The following KBTBD6 variants were observed in gnomAD, a reference collection of about 807,000 sequenced individuals.
KBTBD6 encodes the protein kelch repeat and BTB domain containing 6.
Under a neutral mutation model 34.4 loss-of-function variants are expected in KBTBD6, and 6 were observed. The observed-to-expected ratio is 0.17, with a 90% CI of 0.10 to 0.34. The LOEUF (loss-of-function observed/expected upper bound fraction) is 0.34. Ranked by LOEUF, KBTBD6 falls within the 10% of genes least tolerant of loss-of-function variation. The pLI is 1.00. For missense variants in KBTBD6, 557 were observed against 856.0 expected (o/e 0.65, Z 4.36); for synonymous variants, 288 against 327.2 (o/e 0.88, Z 1.29).
chr13:41,129,258 CAT>C lies in KBTBD6; in HGVS notation c.*1227_*1228del, dbSNP rs571557303. The C allele has an allele frequency of 1.0e-3, 155 of 152,536 alleles. No individual in the cohort carries two copies. Among genetic ancestry groups the C allele is most frequent in the African/African-American group, 3.4e-3 (143 of 41,506 alleles). 9.4% of individuals were successfully genotyped at this position (152,536 alleles called of 1,614,324 possible). ...GAACACCAAAACTGTACAGCTAAAACATATTGAGAATCATGTAAATGTTTAAG... is the reference window on the plus strand; with the variant it reads ...GAACACCAAAACTGTACAGCTAAAACATTGAGAATCATGTAAATGTTTAAG... On this transcript the variant is annotated 3_prime_UTR_variant, in exon 1 of 1. Transcript: ENST00000379485.
rs1248000752 is a variant in KBTBD6, at chr13:41,132,799, T to C, written c.-288A>G. The stretch of plus-strand genomic sequence containing the variant: ...GCCGCTACTGCAGCGTGGGCGACAA[T>C]GCTAGGCGCCCAGGAGAACTACCGC... On this transcript the variant is annotated 5_prime_UTR_variant, in exon 1 of 1. Transcript: ENST00000379485. 9 of 450,990 alleles carry C rather than the reference T, an allele frequency of 2.0e-5. No individual in the cohort carries two copies. Among genetic ancestry groups the C allele is most frequent in the Non-Finnish European group, 2.0e-5 (5 of 246,310 alleles). The allele number at this position is 450,990 out of a possible 1,614,324, so 27.9% of individuals were successfully genotyped here. A position where few individuals can be genotyped will look rare whatever the true frequency, so the allele number is the denominator to read the frequency against.
At position 41,132,252 on chromosome 13, in the gene KBTBD6, T is replaced by C. The variant is rs140770277; in HGVS notation, c.260A>G (p.Asn87Ser). Residue 87 changes from asparagine (N) to serine (S), a missense_variant, in exon 1 of 1, where the codon AAT becomes AGT. Coordinates refer to ENST00000379485, the MANE Select transcript of KBTBD6 (RefSeq NM_152903.5). ...GTAGGGACATGCCGCGGCCAGCACA[T>C]TGCGGTTGCAGGGGAACAGGCGACC... ...GTGRLFPCNR[N>S]VLAAACPYFK... 4.3e-6 allele frequency: 7 copies of C among 1,614,202 alleles called. No homozygotes were observed. The highest frequency in any genetic ancestry group is 4.5e-5 in the East Asian group (2 of 44,880).
At position 41,130,913 on chromosome 13, in the gene KBTBD6, G is replaced by A. The variant is rs1330735148; in HGVS notation, c.1599C>T (p.Val533=). 1.2e-6 allele frequency: 2 copies of A among 1,614,124 alleles called. No homozygotes were observed. The highest frequency in any genetic ancestry group is 1.1e-5 in the South Asian group (1 of 91,074). ...EEIYCICDIP[V]MKVYNPVRAE... Reference sequence around the variant, plus strand: ...CCCTAACTGGGTTGTAGACCTTCATGACTGGGATATCACAGATACAATAGA... The same window carrying A: ...CCCTAACTGGGTTGTAGACCTTCATAACTGGGATATCACAGATACAATAGA... Residue 533 remains valine (V), a synonymous_variant, in exon 1 of 1, where the codon GTC becomes GTT. Transcript: ENST00000379485. The surrounding 1 kb of genome is among the most constrained non-coding windows in gnomAD (Gnocchi z 4.8).
At position 41,131,957 on chromosome 13, in the gene KBTBD6, A is replaced by G. The variant is rs1318025028; in HGVS notation, c.555T>C (p.His185=). The stretch of plus-strand genomic sequence containing the variant: ...ACTGGGCCTGGGATCGCAGCTTGCG[A>G]TGGCCAAAGGCATCTGCAAACTTGA... ...AILKFADAFG[H]RKLRSQAQSY... is the part of the protein sequence containing the mutation. The change falls in exon 1 of 1, where the codon CAT becomes CAC. Residue 185 remains histidine, a synonymous_variant. Transcript: ENST00000379485. This position sits in a 1 kb window ranked among gnomAD's most constrained non-coding sequence, Gnocchi z 5.8. The G allele has an allele frequency of 6.2e-7, 1 of 1,614,258 alleles. No individual in the cohort carries two copies. The highest frequency in any genetic ancestry group is 8.5e-7 in the Non-Finnish European group (1 of 1,180,054).
At position 41,130,446 on chromosome 13, in the gene KBTBD6, T is replaced by G. The variant is rs1452524934; in HGVS notation, c.*41A>C. ...CCAAAACAGTAAAAACAACTTAGTG[T>G]TTCAATCTAGTTACAACAAACCCTG... is the stretch of plus-strand genomic sequence containing the variant. On this transcript the variant is annotated 3_prime_UTR_variant, in exon 1 of 1. Coordinates refer to ENST00000379485, the MANE Select transcript of KBTBD6 (RefSeq NM_152903.5). This position sits in a 1 kb window ranked among gnomAD's most constrained non-coding sequence, Gnocchi z 4.8. 2 of 1,411,282 alleles carry G rather than the reference T, an allele frequency of 1.4e-6. No homozygotes were observed. The highest frequency in any genetic ancestry group is 1.9e-6 in the Non-Finnish European group (2 of 1,028,196). The allele number at this position is 1,411,282 out of a possible 1,614,324, so 87.4% of individuals were successfully genotyped here.
chr13:41,132,146 G>A lies in KBTBD6; in HGVS notation c.366C>T (p.Phe122=), dbSNP rs2030113133. ...TGTAGCAGTAGTCGACCAACACCTCGAAGGACTCGGCGTCCACATCGTGCA... is the reference window on the plus strand; with the variant it reads ...TGTAGCAGTAGTCGACCAACACCTCAAAGGACTCGGCGTCCACATCGTGCA... The part of the protein sequence containing the change: ...VTMHDVDAES[F]EVLVDYCYTG... The change falls in exon 1 of 1, where the codon TTC becomes TTT. Residue 122 remains phenylalanine, a synonymous_variant. Transcript: ENST00000379485. The A allele has an allele frequency of 6.2e-7, 1 of 1,614,232 alleles. No homozygotes were observed. Among genetic ancestry groups the A allele is most frequent in the Non-Finnish European group, 8.5e-7 (1 of 1,180,038 alleles).
In KBTBD6 at chr13:41,129,325, C is replaced by T. The variant is rs2030046108; in HGVS notation, c.*1162G>A. The T allele has an allele frequency of 6.6e-6, 1 of 152,078 alleles. No homozygotes were observed. The highest frequency in any genetic ancestry group is 2.1e-4 in the South Asian group (1 of 4,832). 9.4% of individuals were successfully genotyped at this position (152,078 alleles called of 1,614,324 possible). On this transcript the variant is annotated 3_prime_UTR_variant, in exon 1 of 1. Transcript: ENST00000379485. ...TTTATACAATCCAGTGAAATTTATACATGTCCAGCAGAAAAAAAAGGATTA... is the reference window on the plus strand; with the variant it reads ...TTTATACAATCCAGTGAAATTTATATATGTCCAGCAGAAAAAAAAGGATTA...
Position 41,131,311 on chromosome 13 carries a change from G to T in KBTBD6, c.1201C>A (p.Pro401Thr). 1 of 1,614,188 alleles carries T rather than the reference G, an allele frequency of 6.2e-7. No homozygotes were observed. Among genetic ancestry groups the T allele is most frequent in the Non-Finnish European group, 8.5e-7 (1 of 1,180,030 alleles). The stretch of plus-strand genomic sequence containing the variant: ...TTATACACCCAGAGGTCTGTCCTGG[G>T]CTGAGCAGCTAGATAGATGTCATGG... ...PDHDIYLAAQ[P>T]RTDLWVYKPA... The change falls in exon 1 of 1, where the codon CCC becomes ACC. Residue 401 changes from proline (P) to threonine (T), a missense_variant. Pro to Thr is a conservative substitution (Grantham distance 38, BLOSUM62 -1). This residue lies in a region of KBTBD6 where 309 missense variants were observed against 504.5 expected (regional missense o/e 0.61). Transcript: ENST00000379485. The surrounding 1 kb of genome is among the most constrained non-coding windows in gnomAD (Gnocchi z 5.8).
At position 41,128,511 on chromosome 13, in the gene KBTBD6, A is replaced by G. The variant is rs2030032660; in HGVS notation, c.*1976T>C. 2.5e-6 allele frequency: 1 copy of G among 397,796 alleles called. No individual in the cohort carries two copies. The highest frequency in any genetic ancestry group is 4.4e-6 in the Non-Finnish European group (1 of 225,484). 24.6% of individuals were successfully genotyped at this position (397,796 alleles called of 1,614,324 possible). On this transcript the variant is annotated 3_prime_UTR_variant, in exon 1 of 1. Coordinates refer to ENST00000379485, the MANE Select transcript of KBTBD6 (RefSeq NM_152903.5). ...AGCATGGTTTACAGAGAAATACAAA[A>G]CACATACAAACATCATAATAAAATA...
Position 41,132,041 on chromosome 13 carries a change from C to T in KBTBD6, c.471G>A (p.Arg157=), listed in dbSNP as rs780734231. Residue 157 remains arginine, a synonymous_variant, in exon 1 of 1, where the codon CGG becomes CGA. Transcript: ENST00000379485. ...GGGCTAAGAAGGAGGCACAGGCTTC[C>T]CGCACATATTCCAGCTGTAGCATGT... ...ASDMLQLEYV[R]EACASFLARR... is the part of the protein sequence containing the mutation. The T allele has an allele frequency of 8.1e-6, 13 of 1,614,150 alleles. No individual in the cohort carries two copies. Among genetic ancestry groups the T allele is most frequent in the East Asian group, 4.5e-5 (2 of 44,896 alleles).
rs1566229371 is a variant in KBTBD6 at position 41,132,749 on chromosome 13, G to T, written c.-238C>A. The T allele has an allele frequency of 1.7e-6, 1 of 573,808 alleles. No homozygotes were observed. The allele number at this position is 573,808 out of a possible 1,614,324, so 35.5% of individuals were successfully genotyped here. A position where few individuals can be genotyped will look rare whatever the true frequency, so the allele number is the denominator to read the frequency against. ...TCTCCGCGTCTGCTCGCCTTCACAGGACCCGCTGGCTTGGAGCCGCAGAAG... is the reference window on the plus strand; with the variant it reads ...TCTCCGCGTCTGCTCGCCTTCACAGTACCCGCTGGCTTGGAGCCGCAGAAG... On this transcript the variant is annotated 5_prime_UTR_variant, in exon 1 of 1. Transcript: ENST00000379485.
rs376081538 is a variant in KBTBD6, at chr13:41,128,616, T to C, written c.*1871A>G. 17 of 394,662 alleles carry C rather than the reference T, an allele frequency of 4.3e-5. No individual in the cohort carries two copies. Among genetic ancestry groups the C allele is most frequent in the East Asian group, 3.6e-4 (10 of 27,938 alleles). 24.4% of individuals were successfully genotyped at this position (394,662 alleles called of 1,614,324 possible). ...GGCCTCAAATGCCATCATCCACTTA[T>C]GTTCTTTAACTATCAACTTTGTTTT... is the stretch of plus-strand genomic sequence containing the variant. On this transcript the variant is annotated 3_prime_UTR_variant, in exon 1 of 1. Coordinates refer to ENST00000379485, the MANE Select transcript of KBTBD6 (RefSeq NM_152903.5).
In KBTBD6 at chr13:41,132,371, T is replaced by C; in HGVS notation, c.141A>G (p.Ala47=). The C allele has an allele frequency of 1.9e-6, 3 of 1,614,238 alleles. No individual in the cohort carries two copies. The highest frequency in any genetic ancestry group is 1.7e-6 in the Non-Finnish European group (2 of 1,180,038). ...AGGACTTGAGCTGTGCCAGCAGGGC[T>C]GCAGAATGGGCCGTGTCCTTTAATT... ...PEELKDTAHS[A]ALLAQLKSFY... Residue 47 remains alanine, a synonymous_variant, in exon 1 of 1, where the codon GCA becomes GCG. Coordinates refer to ENST00000379485, the MANE Select transcript of KBTBD6 (RefSeq NM_152903.5).
At position 41,127,948 on chromosome 13, in the gene KBTBD6, T is replaced by A. The variant is rs556039160; in HGVS notation, c.*2539A>T. 2.6e-5 allele frequency: 4 copies of A among 152,314 alleles called. No individual in the cohort carries two copies. In the Middle Eastern group the frequency reaches 0.01, roughly 389 times the overall value. 9.4% of individuals were successfully genotyped at this position (152,314 alleles called of 1,614,324 possible). Reference sequence around the variant, plus strand: ...CATCTCTGATGTCAAATGACCAAAATTTAGCCTTAGGGCACTAAAGCACAT... The same window carrying A: ...CATCTCTGATGTCAAATGACCAAAAATTAGCCTTAGGGCACTAAAGCACAT... On this transcript the variant is annotated 3_prime_UTR_variant, in exon 1 of 1. Transcript: ENST00000379485.
Position 41,131,855 on chromosome 13 carries a change from C to T in KBTBD6, c.657G>A (p.Leu219=), listed in dbSNP as rs1377667445. 1 of 1,614,254 alleles carries T rather than the reference C, an allele frequency of 6.2e-7. No homozygotes were observed. Among genetic ancestry groups the T allele is most frequent in the Non-Finnish European group, 8.5e-7 (1 of 1,180,038 alleles). Residue 219 remains leucine, a synonymous_variant, in exon 1 of 1, where the codon CTG becomes CTA. Transcript: ENST00000379485. This position sits in a 1 kb window ranked among gnomAD's most constrained non-coding sequence, Gnocchi z 5.8. ...AGCGCAGGACAGCCAGCAGCTGGGC[C>T]AGGGTCAGATCTGCTAGAGTCTCCT... The part of the protein sequence containing the change: ...IREETLADLT[L]AQLLAVLRLD...
chr13:41,130,394 G>A lies in KBTBD6; in HGVS notation c.*93C>T. 3.2e-6 allele frequency: 3 copies of A among 937,770 alleles called. No individual in the cohort carries two copies. Among genetic ancestry groups the A allele is most frequent in the South Asian group, 2.0e-5 (1 of 50,854 alleles). The allele number at this position is 937,770 out of a possible 1,614,324, so 58.1% of individuals were successfully genotyped here. ...TTAATCAACTTTTCCTCTCCTTTAG[G>A]AACAAAAAGGATATTTAAGATATTT... On this transcript the variant is annotated 3_prime_UTR_variant, in exon 1 of 1. Coordinates refer to ENST00000379485, the MANE Select transcript of KBTBD6 (RefSeq NM_152903.5). The surrounding 1 kb of genome is among the most constrained non-coding windows in gnomAD (Gnocchi z 4.8).
rs761219834 is a variant in KBTBD6 at position 41,131,110 on chromosome 13, C to A, written c.1402G>T (p.Ala468Ser). The change falls in exon 1 of 1, where the codon GCT (alanine) becomes TCT (serine). Residue 468 changes from alanine to serine, a missense_variant. This residue lies in a region of KBTBD6 where 309 missense variants were observed against 504.5 expected (regional missense o/e 0.61). Coordinates refer to ENST00000379485, the MANE Select transcript of KBTBD6 (RefSeq NM_152903.5). This position sits in a 1 kb window ranked among gnomAD's most constrained non-coding sequence, Gnocchi z 5.8. ...GATAAAAAAGAATGGGGCAGTGGAG[C>A]CACCAATGCCCACTGGTTTCTCTTA... ...NVKRNQWALV[A>S]PLPHSFLSFD... is the part of the protein sequence containing the mutation. The A allele has an allele frequency of 6.2e-7, 1 of 1,614,116 alleles. No homozygotes were observed. The highest frequency in any genetic ancestry group is 1.1e-5 in the South Asian group (1 of 91,082).
Position 41,132,008 on chromosome 13 carries a change from A to C in KBTBD6, c.504T>G (p.Leu168=). 1.9e-6 allele frequency: 3 copies of C among 1,614,254 alleles called. No homozygotes were observed. Among genetic ancestry groups the C allele is most frequent in the South Asian group, 2.2e-5 (2 of 91,092 alleles). Residue 168 remains leucine, a synonymous_variant, in exon 1 of 1, where the codon CTT becomes CTG. Coordinates refer to ENST00000379485, the MANE Select transcript of KBTBD6 (RefSeq NM_152903.5). ...GGATGGCGGTGCAGTTGGTCAGGTC[A>C]AGACGTCGGGCTAAGAAGGAGGCAC... ...EACASFLARR[L]DLTNCTAILK...
At position 41,132,347 on chromosome 13, in the gene KBTBD6, G is replaced by T; in HGVS notation, c.165C>A (p.Ser55=). 6.2e-7 allele frequency: 1 copy of T among 1,614,276 alleles called. No individual in the cohort carries two copies. The highest frequency in any genetic ancestry group is 8.5e-7 in the Non-Finnish European group (1 of 1,180,054). ...HSAALLAQLK[S]FYDARLLCDV... ...CACACAGCAGCCGCGCATCGTAGAAGGACTTGAGCTGTGCCAGCAGGGCTG... is the reference window on the plus strand; with the variant it reads ...CACACAGCAGCCGCGCATCGTAGAATGACTTGAGCTGTGCCAGCAGGGCTG... Residue 55 remains serine, a synonymous_variant, in exon 1 of 1, where the codon TCC becomes TCA. Coordinates refer to ENST00000379485, the MANE Select transcript of KBTBD6 (RefSeq NM_152903.5).
Sources: gnomAD v4.1 joint callset for allele counts on GRCh38, gnomAD v4.1.1 for gene constraint, gnomAD v4.1.1 regional missense constraint, Gnocchi (gnomAD v3.1) non-coding constraint, MANE v1.5 for transcripts, NCBI Gene and HGNC (gene_info 2026-07-23, HGNC 2026-07-21) for gene names.